SCGB2B2: variants seen among roughly 807,000 people sequenced by gnomAD.
The protein encoded by SCGB2B2 is secretoglobin family 2B member 2, also known as secretoglobin-like protein.
In SCGB2B2, 11 loss-of-function variants were observed where a neutral mutation model predicts 7.6. The observed-to-expected ratio is 1.45, with a 90% CI of 0.91 to 2.40. The LOEUF is 2.40. Ranked by LOEUF, SCGB2B2 falls within the 30% of genes most tolerant of loss-of-function variation. The pLI, the probability that SCGB2B2 is intolerant of heterozygous loss-of-function variation, is 0.00. For missense variants in SCGB2B2, 104 were observed against 115.4 expected (o/e 0.90, Z 0.45); for synonymous variants, 50 against 48.6 (o/e 1.03, Z -0.12).
intron 1 of SCGB2B2, among the ~76,000 whole-genome samples, chr19:34,672,631 C>G (rs2067830817): frequency 6.6e-6 from 1 of 152,102 alleles, no homozygotes; most frequent in Non-Finnish European, 1.5e-5. Flanking sequence ...ATCTAAAATT[C>G]CTCATAGTCC....
chr19:34,618,007 C>A (rs1359992027), intron 1 of SCGB2B2, among the ~76,000 whole-genome samples: 1 of 152,206 alleles, frequency 6.6e-6, no homozygotes, highest in Non-Finnish European at 1.5e-5. Context: ...ACGGTGCGTG[C>A]ACCCACTGAC....
intron 1 of SCGB2B2, among the ~76,000 whole-genome samples, chr19:34,654,781 C>T (rs7245598): frequency 0.015 from 2,271 of 150,968 alleles, 196 homozygotes; most frequent in African/African-American, 0.054. Flanking sequence ...TAGCCCCCAG[C>T]CCACCAAGAG....
chr19:34,614,161 G>A (rs1285641035), intron 1 of SCGB2B2, among the ~76,000 whole-genome samples: 2 of 152,212 alleles, frequency 1.3e-5, no homozygotes, highest in East Asian at 1.9e-4. Context: ...CTCCAGACTT[G>A]AGATTTTTTT....
At chr19:34,625,840 C>T (rs555062911) in intron 1 of SCGB2B2, among the ~76,000 whole-genome samples, 1 of 152,172 alleles carries the variant, frequency 6.6e-6, no homozygotes, top group Non-Finnish European at 1.5e-5. Context: ...GTCCCTGACC[C>T]CCGAGTAGCC....
At chr19:34,616,665 G>C (rs1402988173) in intron 1 of SCGB2B2, among the ~76,000 whole-genome samples, 76 of 135,128 alleles carry the variant, frequency 5.6e-4, no homozygotes, top group African/African-American at 2.2e-3. Context: ...AGTTTCTTTT[G>C]CTGTGCAGAA....
intron 1 of SCGB2B2, among the ~76,000 whole-genome samples, chr19:34,606,230 A>G (rs182971707): frequency 6.0e-4 from 91 of 152,196 alleles, no homozygotes; most frequent in African/African-American, 2.1e-3. Flanking sequence ...CAGCTTTAAC[A>G]TATATATTTA....
chr19:34,658,975 C>T (rs1224026867), intron 1 of SCGB2B2, among the ~76,000 whole-genome samples: 3 of 152,156 alleles, frequency 2.0e-5, no homozygotes, highest in Non-Finnish European at 4.4e-5. Context: ...GGATGCAAGG[C>T]TGGTTCAACA....
chr19:34,620,501 G>T (rs1335622239), intron 1 of SCGB2B2, among the ~76,000 whole-genome samples: 2 of 76,278 alleles, frequency 2.6e-5, no homozygotes, highest in Non-Finnish European at 4.7e-5. Flanking sequence ...ACATAGGGTG[G>T]GGTACATCAC....
In SCGB2B2 at chr19:34,654,776, C is replaced by G. The variant is rs1397817242; in HGVS notation, c.-2032+20854G>C. Among the ~76,000 whole-genome samples, 5 of 150,994 alleles carry G rather than the reference C, an allele frequency of 3.3e-5. No individual in the cohort carries two copies. In the East Asian group the frequency reaches 9.6e-4, roughly 29 times the overall value. On this transcript the variant is annotated intron_variant, in intron 1 of 3. Transcript: ENST00000601241. ...AATCAGCACTCCACATACCCTAGCC[C>G]CCAGCCCACCAAGAGTCTTTGAAAA...
intron 1 of SCGB2B2, among the ~76,000 whole-genome samples, chr19:34,666,587 G>A (rs1005313822): frequency 2.0e-5 from 3 of 152,090 alleles, no homozygotes; most frequent in Admixed American, 6.5e-5. Flanking sequence ...ACCTCTCCCC[G>A]ACTCTCCAGG....
chr19:34,671,653 TCAG>T (rs2067806258), intron 1 of SCGB2B2, among the ~76,000 whole-genome samples: 1 of 152,238 alleles, frequency 6.6e-6, no homozygotes, highest in Non-Finnish European at 1.5e-5. Context: ...TTAATTTTCC[TCAG>T]CAATCTTTTG....
At chr19:34,615,623 T>C (rs2066052242) in intron 1 of SCGB2B2, among the ~76,000 whole-genome samples, 1 of 152,170 alleles carries the variant, frequency 6.6e-6, no homozygotes, top group South Asian at 2.1e-4. Flanking sequence ...CTGATGTTAC[T>C]CCTGTAATTT....
intron 1 of SCGB2B2, chr19:34,608,812 T>C (rs2145827400): frequency 6.6e-6 from 1 of 151,248 alleles, no homozygotes; most frequent in Middle Eastern, 3.4e-3. Context: ...TTCGATATAC[T>C]AATTTTCTTT....
chr19:34,665,943 G>A (rs1215623242), intron 1 of SCGB2B2, among the ~76,000 whole-genome samples: 3 of 152,084 alleles, frequency 2.0e-5, no homozygotes, highest in Non-Finnish European at 4.4e-5. Context: ...GTCCAGAGAA[G>A]GAAGGAAGAT....
chr19:34,649,066 C>G (rs922255780), intron 1 of SCGB2B2, among the ~76,000 whole-genome samples: 2 of 152,142 alleles, frequency 1.3e-5, no homozygotes, highest in African/African-American at 4.8e-5. Flanking sequence ...CCACACCCAG[C>G]TGATTTTTTG....
chr19:34,593,497 C>G lies in SCGB2B2; in HGVS notation c.*58G>C. The G allele has an allele frequency of 3.0e-6, 4 of 1,348,580 alleles. No individual in the cohort carries two copies. In the Admixed American group the frequency reaches 5.9e-5, roughly 20 times the overall value. 83.5% of individuals were successfully genotyped at this position (1,348,580 alleles called of 1,614,324 possible). On this transcript the variant is annotated 3_prime_UTR_variant, in exon 4 of 4. Transcript: ENST00000601241. The stretch of plus-strand genomic sequence containing the variant: ...GTGATGAACAGAGCCAGGCCAGGAA[C>G]GCGGGGAGCCCCAAGGAAGGCAGGA...
intron 1 of SCGB2B2, among the ~76,000 whole-genome samples, chr19:34,612,123 C>T (rs974667482): frequency 3.7e-5 from 5 of 136,752 alleles, no homozygotes; most frequent in East Asian, 4.6e-4. Flanking sequence ...CTGCAATATC[C>T]GCCTCCTGGA....
chr19:34,640,571 T>C (rs1320730851), intron 1 of SCGB2B2: 2 of 152,176 alleles, frequency 1.3e-5, no homozygotes, highest in Non-Finnish European at 2.9e-5. Context: ...AAAATTTCAA[T>C]AGATGAAGAA....
intron 1 of SCGB2B2, among the ~76,000 whole-genome samples, chr19:34,621,747 G>A (rs1427693345): frequency 6.6e-6 from 1 of 151,300 alleles, no homozygotes; most frequent in Admixed American, 6.6e-5. Flanking sequence ...GGTTTGCACA[G>A]GGACAGAGAG....
Sources: allele counts gnomAD v4.1 joint callset (sites outside exome capture counted in the v4.1 genomes callset), GRCh38; gene constraint gnomAD v4.1.1; transcripts MANE v1.5; gene names NCBI Gene and HGNC (gene_info 2026-07-23, HGNC 2026-07-21).